Variants in SUCLG2 observed in about 807,000 individuals in gnomAD.
SUCLG2 encodes the protein succinate--CoA ligase [GDP-forming] subunit beta, mitochondrial.
SUCLG2 carries 42 observed loss-of-function variants against 47.9 expected under a neutral mutation model. The ratio of observed to expected loss-of-function variants is 0.88; its 90% CI spans 0.69 to 1.14. SUCLG2 has a LOEUF of 1.14. Among genes scored for constraint, SUCLG2 ranks in the 50% most tolerant of loss-of-function variants. The pLI is 0.00. For synonymous variants in SUCLG2, 195 were observed against 197.3 expected (o/e 0.99, Z 0.10); for missense variants, 571 against 525.9 (o/e 1.09, Z -0.84).
intron 2 of SUCLG2, among the ~76,000 whole-genome samples, chr3:67,567,206 G>A (rs1004938259): frequency 1.3e-5 from 2 of 151,780 alleles, no homozygotes; most frequent in Admixed American, 6.6e-5. Context: ...AAGGTGGGAG[G>A]AGGAAAAATA....
chr3:67,402,100 G>A (rs80203860), intron 9 of SUCLG2, among the ~76,000 whole-genome samples: 5,954 of 152,256 alleles, frequency 0.039, 384 homozygotes, highest in African/African-American at 0.14. Flanking sequence ...GTTCATTGAT[G>A]TTGTTGCTAG....
At chr3:67,576,444 G>A (rs1002907258) in intron 2 of SUCLG2, among the ~76,000 whole-genome samples, 2 of 152,116 alleles carry the variant, frequency 1.3e-5, no homozygotes, top group South Asian at 2.1e-4. Flanking sequence ...TCTTGATTCA[G>A]AATTGAACAG....
At chr3:67,586,651 T>C (rs890992948) in intron 2 of SUCLG2, among the ~76,000 whole-genome samples, 2 of 152,204 alleles carry the variant, frequency 1.3e-5, no homozygotes, top group Non-Finnish European at 2.9e-5. Flanking sequence ...ATATGTTCTG[T>C]TGGATGACCT....
In SUCLG2 at chr3:67,450,955, G is replaced by A. The variant is rs188493738; in HGVS notation, c.1062+44843C>T. Among the ~76,000 whole-genome samples, 13 of 152,246 alleles carry A rather than the reference G, an allele frequency of 8.5e-5. No individual in the cohort carries two copies. In the East Asian group the frequency reaches 2.1e-3, roughly 25 times the overall value. On this transcript the variant is annotated intron_variant, in intron 9 of 10. Coordinates refer to ENST00000307227, the MANE Select transcript of SUCLG2 (RefSeq NM_003848.4). ...CCTCATGGTATGTCCATCAGGTAGC[G>A]TTTATTGAGCGCTTACTCTGTGCTA... is the stretch of plus-strand genomic sequence containing the variant.
At chr3:67,393,391 T>C (rs1702441214) in intron 10 of SUCLG2, among the ~76,000 whole-genome samples, 1 of 152,040 alleles carries the variant, frequency 6.6e-6, no homozygotes, top group African/African-American at 2.4e-5. Context: ...GCTCAGAGGG[T>C]CCTACGCCCA....
intron 7 of SUCLG2, among the ~76,000 whole-genome samples, chr3:67,505,305 AC>A (rs1267269580): frequency 6.6e-6 from 1 of 152,214 alleles, no homozygotes; most frequent in African/African-American, 2.4e-5. Context: ...GCCAGTCCAC[AC>A]CTTAGACTTC....
intron 1 of SUCLG2, among the ~76,000 whole-genome samples, chr3:67,649,782 G>A (rs1701253930): frequency 6.6e-6 from 1 of 152,222 alleles, no homozygotes; most frequent in African/African-American, 2.4e-5. Flanking sequence ...AACAGAAAGT[G>A]ATGCATCAAG....
chr3:67,636,389 G>C (rs977025598), intron 1 of SUCLG2, among the ~76,000 whole-genome samples: 2 of 143,228 alleles, frequency 1.4e-5, no homozygotes, highest in African/African-American at 5.2e-5. Context: ...GTCTTGCTCT[G>C]TCACCCAGAC....
At chr3:67,500,989 G>A (rs539212277) in intron 7 of SUCLG2, among the ~76,000 whole-genome samples, 1 of 152,290 alleles carries the variant, frequency 6.6e-6, no homozygotes, top group Non-Finnish European at 1.5e-5. Flanking sequence ...GATTTTCAGA[G>A]GATGTTTTTC....
At chr3:67,617,171 G>C (rs1279453064) in intron 1 of SUCLG2, among the ~76,000 whole-genome samples, 1 of 152,120 alleles carries the variant, frequency 6.6e-6, no homozygotes, top group Non-Finnish European at 1.5e-5. Context: ...TAAAATAAAA[G>C]GCCTGCTTGT....
intron 8 of SUCLG2, among the ~76,000 whole-genome samples, chr3:67,497,899 A>G (rs75116182): frequency 0.01 from 1,584 of 152,280 alleles, 50 homozygotes; most frequent in East Asian, 0.064. Context: ...ACAGGACAGT[A>G]AAGAATTATC....
At chr3:67,542,959 C>T (rs1019133098) in intron 2 of SUCLG2, among the ~76,000 whole-genome samples, 1 of 152,144 alleles carries the variant, frequency 6.6e-6, no homozygotes, top group African/African-American at 2.4e-5. Flanking sequence ...CAGCTTTGGA[C>T]CAAGCAGACC....
intron 2 of SUCLG2, among the ~76,000 whole-genome samples, chr3:67,557,311 G>A (rs1201965956): frequency 1.3e-5 from 2 of 152,090 alleles, no homozygotes; most frequent in Non-Finnish European, 2.9e-5. Flanking sequence ...AACAGAGATC[G>A]TTCTGATGTT....
chr3:67,577,752 T>C (rs921763726), intron 2 of SUCLG2, among the ~76,000 whole-genome samples: 2 of 152,052 alleles, frequency 1.3e-5, no homozygotes, highest in African/African-American at 4.8e-5. Context: ...CCTCAGAAAG[T>C]GGTATGCAGC....
Position 67,533,075 on chromosome 3 carries a change from T to C in SUCLG2, c.227-3889A>G, listed in dbSNP as rs143432670. On this transcript the variant is annotated intron_variant, in intron 2 of 10. Coordinates refer to ENST00000307227, the MANE Select transcript of SUCLG2 (RefSeq NM_003848.4). ...GTGGTTCACTTAATTTTCTTAGAGA[T>C]GGCTTTCTGAAAACATATTTACACA... Among the ~76,000 whole-genome samples, 10 of 152,332 alleles carry C rather than the reference T, an allele frequency of 6.6e-5. 1 individual carries two copies. Among genetic ancestry groups the C allele is most frequent in the African/African-American group, 2.4e-4 (10 of 41,586 alleles).
chr3:67,416,041 C>G (rs1033034616), intron 9 of SUCLG2, among the ~76,000 whole-genome samples: 2 of 152,196 alleles, frequency 1.3e-5, no homozygotes, highest in African/African-American at 4.8e-5. Context: ...TACCAACTGC[C>G]ATGTGAGTCA....
intron 9 of SUCLG2, among the ~76,000 whole-genome samples, chr3:67,411,147 G>C (rs1324126519): frequency 6.6e-6 from 1 of 152,052 alleles, no homozygotes; most frequent in African/African-American, 2.4e-5. Context: ...GTCTCCACAG[G>C]GTTACTGTCC....
chr3:67,382,710 T>C (rs529412669), intron 10 of SUCLG2, among the ~76,000 whole-genome samples: 39 of 152,336 alleles, frequency 2.6e-4, no homozygotes, highest in Admixed American at 3.9e-4. Context: ...ATTTGCTTCA[T>C]CAGTGGCTGT....
At chr3:67,544,440 A>C (rs1244635519) in intron 2 of SUCLG2, among the ~76,000 whole-genome samples, 1 of 151,728 alleles carries the variant, frequency 6.6e-6, no homozygotes, top group African/African-American at 2.4e-5. Flanking sequence ...TCCCCACTTC[A>C]CTCTCTTTCT....
Sources: allele counts gnomAD v4.1 joint callset (sites outside exome capture counted in the v4.1 genomes callset), GRCh38; gene constraint gnomAD v4.1.1; transcripts MANE v1.5; gene names NCBI Gene and HGNC (gene_info 2026-07-23, HGNC 2026-07-21).